UPP1: variants seen among roughly 807,000 people sequenced by gnomAD.
UPP1 encodes the protein UPase 1.
UPP1 carries 25 observed loss-of-function variants against 29.6 expected under a neutral mutation model. That is an observed-to-expected ratio of 0.85 (90% CI 0.62 to 1.18). UPP1 has a LOEUF of 1.18. Among genes scored for constraint, UPP1 ranks in the 50% most tolerant of loss-of-function variants. The pLI is 0.00. For synonymous variants in UPP1, 165 were observed against 159.8 expected, an observed-to-expected ratio of 1.03 and a Z score of -0.25; for missense variants, 368 against 410.4, an observed-to-expected ratio of 0.90 and a Z score of 0.89.
chr7:48,099,714 A>G lies in UPP1; in HGVS notation c.89A>G (p.Lys30Arg). ...TTAAATCCAAACATAGCAAAAATGA[A>G]AGAAGATATTCTCTATCATTTCAAT... ...RLLNPNIAKM[K>R]EDILYHFNLT... Residue 30 changes from lysine to arginine, a missense_variant, in exon 4 of 9, where the codon AAA (lysine) becomes AGA (arginine). By Grantham distance (26) the Lys-to-Arg change is conservative. Coordinates refer to ENST00000395564, the MANE Select transcript of UPP1 (RefSeq NM_003364.4). 6.2e-7 allele frequency: 1 copy of G among 1,613,982 alleles called. No homozygotes were observed. The highest frequency in any genetic ancestry group is 8.5e-7 in the Non-Finnish European group (1 of 1,179,848).
rs1271060028 is a variant in UPP1, at chr7:48,101,926, T to C, written c.265T>C (p.Cys89Arg). Residue 89 changes from cysteine (C) to arginine (R), a missense_variant, in exon 5 of 9, where the codon TGT becomes CGT. By Grantham distance (180) the Cys-to-Arg change is radical (BLOSUM62 -3). Coordinates refer to ENST00000395564, the MANE Select transcript of UPP1 (RefSeq NM_003364.4). Reference sequence around the variant, plus strand: ...CCCAGGTAGAGACTATCCCAACATCTGTGCGGGAACTGACCGCTATGCCAT... The same window carrying C: ...CCCAGGTAGAGACTATCCCAACATCCGTGCGGGAACTGACCGCTATGCCAT... ...DCPGRDYPNI[C>R]AGTDRYAMYK... The C allele has an allele frequency of 6.2e-7, 1 of 1,613,978 alleles. No individual in the cohort carries two copies. Among genetic ancestry groups the C allele is most frequent in the Non-Finnish European group, 8.5e-7 (1 of 1,180,012 alleles).
chr7:48,108,180 C>G, intron 8 of UPP1, 38 bp from the exon 9 acceptor site: 2 of 1,593,190 alleles, frequency 1.3e-6, no homozygotes, highest in Non-Finnish European at 1.7e-6. Context: ...TGTTAGACCC[C>G]CGGCACCTTG....
intron 5 of UPP1, among the ~76,000 whole-genome samples, chr7:48,102,341 C>T (rs1376036374): frequency 1.3e-5 from 2 of 152,174 alleles, no homozygotes; most frequent in African/African-American, 2.4e-5. Flanking sequence ...CTCTAATCCC[C>T]TCTACCACCT....
intron 7 of UPP1, 133 bp downstream of exon 7, chr7:48,107,215 TTA>T: frequency 7.1e-7 from 1 of 1,408,090 alleles, no homozygotes; most frequent in East Asian, 2.4e-5. Flanking sequence ...CCCAGAGTGG[TTA>T]TAATGACCCG....
At chr7:48,094,864 G>C (rs1020221748) in intron 3 of UPP1, 37 bp downstream of exon 3, 4 of 1,610,772 alleles carry the variant, frequency 2.5e-6, no homozygotes, top group Non-Finnish European at 3.4e-6. Flanking sequence ...GGTTGGGTGG[G>C]GTTGGGTTGT....
chr7:48,108,193 T>G (rs758567773), intron 8 of UPP1, 25 bp from the exon 9 acceptor site: 1 of 1,604,126 alleles, frequency 6.2e-7, no homozygotes, highest in Admixed American at 1.7e-5. Flanking sequence ...GCACCTTGCC[T>G]TGATGTGGTC....
Position 48,103,427 on chromosome 7 carries a change from G to T in UPP1, c.436+16G>T. 6 of 1,605,396 alleles carry T rather than the reference G, an allele frequency of 3.7e-6. No homozygotes were observed. The highest frequency in any genetic ancestry group is 5.1e-6 in the Non-Finnish European group (6 of 1,172,204). ...GGTGGGATAGGTAAGGTCTGCAGAGGGGCCTCTTGCCCTGTGAATGGATGA... is the reference window on the plus strand; with the variant it reads ...GGTGGGATAGGTAAGGTCTGCAGAGTGGCCTCTTGCCCTGTGAATGGATGA... On this transcript the variant is annotated intron_variant, in intron 6 of 8. Transcript: ENST00000395564.
At chr7:48,107,223 A>C in intron 7 of UPP1, 138 bp from the exon 8 acceptor site, 1 of 1,408,316 alleles carries the variant, frequency 7.1e-7, no homozygotes, top group Non-Finnish European at 9.8e-7. Flanking sequence ...GGTTATAATG[A>C]CCCGTTTGAG....
At chr7:48,097,803 G>C (rs1476337474) in intron 3 of UPP1, among the ~76,000 whole-genome samples, 1 of 152,154 alleles carries the variant, frequency 6.6e-6, no homozygotes, top group Non-Finnish European at 1.5e-5. Flanking sequence ...AAAATACTGT[G>C]GGGTGTGCAG....
chr7:48,107,098 C>A lies in UPP1; in HGVS notation c.646+16C>A. On this transcript the variant is annotated intron_variant, in intron 7 of 8. Coordinates refer to ENST00000395564, the MANE Select transcript of UPP1 (RefSeq NM_003364.4). ...TTCTATGAAGGTGAGGCAGCGGATA[C>A]GAGGAGGCATCTTTCAGCCAGGGAA... 6.2e-7 allele frequency: 1 copy of A among 1,609,298 alleles called. No homozygotes were observed. Among genetic ancestry groups the A allele is most frequent in the Non-Finnish European group, 8.5e-7 (1 of 1,177,960 alleles).
upstream of UPP1, chr7:48,089,060 T>G (rs10278152): frequency 1.5e-5 from 2 of 135,878 alleles, no homozygotes; most frequent in Admixed American, 7.4e-5. Flanking sequence ...CGCGGGAGGG[T>G]GGAGAGGAGG....
intron 4 of UPP1, among the ~76,000 whole-genome samples, chr7:48,100,721 T>C (rs1350486132): frequency 6.6e-6 from 1 of 152,238 alleles, no homozygotes; most frequent in African/African-American, 2.4e-5. Flanking sequence ...AATAGTGTTA[T>C]GTCTTATCAA....
intron 4 of UPP1, 116 bp downstream of exon 4, chr7:48,099,903 G>A (rs1273093907): frequency 1.4e-5 from 10 of 720,424 alleles, no homozygotes; most frequent in Non-Finnish European, 2.3e-5. Context: ...GGTTTATGAA[G>A]ACATAATGTT....
intron 4 of UPP1, among the ~76,000 whole-genome samples, chr7:48,100,459 CATTGT>C (rs1369674794): frequency 2.0e-5 from 3 of 152,128 alleles, no homozygotes; most frequent in African/African-American, 7.2e-5. Flanking sequence ...AAATAAAGGT[CATTGT>C]ATTTTGTTTG....
intron 5 of UPP1, among the ~76,000 whole-genome samples, chr7:48,102,593 A>G (rs1280355132): frequency 1.3e-5 from 2 of 152,184 alleles, no homozygotes; most frequent in East Asian, 1.9e-4. Context: ...GGGAGCCAAG[A>G]CATGACTAGG....
intron 5 of UPP1, among the ~76,000 whole-genome samples, chr7:48,102,848 C>G (rs1792507781): frequency 6.6e-6 from 1 of 152,138 alleles, no homozygotes; most frequent in African/African-American, 2.4e-5. Flanking sequence ...AGCAAAGCAT[C>G]CTGTGTCCAG....
intron 3 of UPP1, among the ~76,000 whole-genome samples, chr7:48,097,209 T>A (rs933837880): frequency 6.6e-6 from 1 of 152,198 alleles, no homozygotes; most frequent in Non-Finnish European, 1.5e-5. Flanking sequence ...TTCATTATGG[T>A]ACATGTTAAA....
At chr7:48,107,116 C>T (rs1255421280) in intron 7 of UPP1, 34 bp downstream of exon 7, 3 of 1,605,336 alleles carry the variant, frequency 1.9e-6, no homozygotes, top group Non-Finnish European at 1.7e-6. Flanking sequence ...CATCTTTCAG[C>T]CAGGGAACCC....
chr7:48,108,210 C>A lies in UPP1; in HGVS notation c.794-8C>A. 2 of 1,611,592 alleles carry A rather than the reference C, an allele frequency of 1.2e-6. No individual in the cohort carries two copies. The highest frequency in any genetic ancestry group is 1.7e-6 in the Non-Finnish European group (2 of 1,179,008). On this transcript the variant is annotated splice_polypyrimidine_tract_variant and splice_region_variant and intron_variant, in intron 8 of 8. Coordinates refer to ENST00000395564, the MANE Select transcript of UPP1 (RefSeq NM_003364.4). ...ACCTTGCCTTGATGTGGTCTTTGTCCTTTGCAGCGGCCGTGGTGTGTGTCA... is the reference window on the plus strand; with the variant it reads ...ACCTTGCCTTGATGTGGTCTTTGTCATTTGCAGCGGCCGTGGTGTGTGTCA...
Sources: allele counts gnomAD v4.1 joint callset (sites outside exome capture counted in the v4.1 genomes callset), GRCh38; gene constraint gnomAD v4.1.1; transcripts MANE v1.5; gene names NCBI Gene and HGNC (gene_info 2026-07-23, HGNC 2026-07-21).